NOTCH2: variants seen among roughly 807,000 people sequenced by gnomAD.
NOTCH2 encodes the protein notch receptor 2.
A neutral mutation model predicts 235.8 loss-of-function variants in NOTCH2; 29 were observed. That is an observed-to-expected ratio of 0.12 (90% CI 0.09 to 0.17). NOTCH2 has a LOEUF of 0.17. Ranked by LOEUF, NOTCH2 falls within the 10% of genes least tolerant of loss-of-function variation. NOTCH2 has a pLI of 1.00. For missense variants in NOTCH2, 2,285 were observed against 3,150.2 expected, an observed-to-expected ratio of 0.73 and a Z score of 6.57; for synonymous variants, 1,086 against 1,141.5, an observed-to-expected ratio of 0.95 and a Z score of 0.98.
rs777472550 is a variant in NOTCH2 at position 119,915,957 on chromosome 1, G to A, written c.6765C>T (p.Asn2255=). 6.2e-7 allele frequency: 1 copy of A among 1,614,104 alleles called. No homozygotes were observed. Among genetic ancestry groups the A allele is most frequent in the South Asian group, 1.1e-5 (1 of 91,078 alleles). ...HPVPVPADWM[N]RMEVNETQYN... is the part of the protein sequence containing the mutation. ...ACTGGGTCTCATTCACCTCCATGCG[G>A]TTCATCCAATCTGCTGGGACTGGGA... The change falls in exon 34 of 34, where the codon AAC becomes AAT. Residue 2255 remains asparagine (N), a synonymous_variant. Coordinates refer to ENST00000256646, the MANE Select transcript of NOTCH2 (RefSeq NM_024408.4).
chr1:120,007,625 G>A (rs2101249836), intron 2 of NOTCH2, among the ~76,000 whole-genome samples: 1 of 151,804 alleles, frequency 6.6e-6, no homozygotes, highest in East Asian at 1.9e-4. Context: ...GGGAGGCGGA[G>A]GTTGCAGTGA....
intron 5 of NOTCH2, among the ~76,000 whole-genome samples, chr1:119,971,097 G>A (rs1306484664): frequency 6.6e-6 from 1 of 152,188 alleles, no homozygotes; most frequent in African/African-American, 2.4e-5. Context: ...TAACCTAACT[G>A]ACTGCCTGTT....
intron 21 of NOTCH2, 59 bp from the exon 22 acceptor site, chr1:119,935,663 G>A: frequency 9.6e-6 from 15 of 1,558,278 alleles, no homozygotes; most frequent in Non-Finnish European, 1.2e-5. Flanking sequence ...AACAGACCAT[G>A]AGAGCTAGTG....
intron 31 of NOTCH2, 87 bp from the exon 32 acceptor site, chr1:119,918,640 G>T: frequency 7.4e-7 from 1 of 1,359,946 alleles, no homozygotes; most frequent in Non-Finnish European, 1.0e-6. Flanking sequence ...CATCAGAGCT[G>T]AGGCTACAGT....
At chr1:119,962,907 C>G (rs1029450509) in intron 11 of NOTCH2, among the ~76,000 whole-genome samples, 4 of 152,314 alleles carry the variant, frequency 2.6e-5, no homozygotes, top group Non-Finnish European at 4.4e-5. Flanking sequence ...CACATCCCCC[C>G]AGAAAGGAGC....
At position 120,037,706 on chromosome 1, in the gene NOTCH2, A is replaced by G. The variant is rs1654367447; in HGVS notation, c.74-7719T>C. ...AAAACAAAAAAAAGCAATAAGAGATAAATCGATTTTGTTTTCCTAATAGTG... is the reference window on the plus strand; with the variant it reads ...AAAACAAAAAAAAGCAATAAGAGATGAATCGATTTTGTTTTCCTAATAGTG... On this transcript the variant is annotated intron_variant, in intron 1 of 33. Coordinates refer to ENST00000256646, the MANE Select transcript of NOTCH2 (RefSeq NM_024408.4). 2.6e-5 allele frequency among the ~76,000 whole-genome samples: 4 copies of G among 151,838 alleles called. No homozygotes were observed. The South Asian group carries it at 6.2e-4, about 24-fold the overall frequency.
intron 2 of NOTCH2, among the ~76,000 whole-genome samples, chr1:120,014,470 A>G (rs1653345610): frequency 1.3e-5 from 2 of 150,544 alleles, no homozygotes; most frequent in South Asian, 4.2e-4. Context: ...CTGTTCAAAC[A>G]TACGCATGGG....
At chr1:120,015,432 G>A (rs375522702) in intron 2 of NOTCH2, among the ~76,000 whole-genome samples, 398 of 150,060 alleles carry the variant, frequency 2.7e-3, no homozygotes, top group African/African-American at 8.9e-3. Flanking sequence ...ATTAAGCATC[G>A]GTCAGTAACA....
intron 5 of NOTCH2, among the ~76,000 whole-genome samples, chr1:119,981,418 T>A (rs1305912498): frequency 6.6e-6 from 1 of 152,192 alleles, no homozygotes. Flanking sequence ...GTATCTAGCA[T>A]AATATATTCC....
intron 31 of NOTCH2, 133 bp downstream of exon 31, chr1:119,919,179 G>A: frequency 4.0e-6 from 4 of 1,002,720 alleles, no homozygotes; most frequent in African/African-American, 3.2e-5. Context: ...CATCTACCAA[G>A]CATGACTCTA....
At chr1:120,013,287 AGCAGATGTAGT>A (rs1209783257) in intron 2 of NOTCH2, among the ~76,000 whole-genome samples, 14 of 152,124 alleles carry the variant, frequency 9.2e-5, no homozygotes, top group African/African-American at 3.4e-4. Context: ...TCCTTCCAAC[AGCAGATGTAGT>A]GCCATGTCAT....
intron 13 of NOTCH2, among the ~76,000 whole-genome samples, 193 bp downstream of exon 13, chr1:119,954,847 C>T (rs1650621527): frequency 6.6e-6 from 1 of 152,176 alleles, no homozygotes; most frequent in South Asian, 2.1e-4. Flanking sequence ...CATCTAGGTC[C>T]TCACTTATGG....
rs920452138 is a variant in NOTCH2, at chr1:119,912,789, A to G, written c.*2517T>C. 8.6e-6 allele frequency: 2 copies of G among 233,512 alleles called. No individual in the cohort carries two copies. Among genetic ancestry groups the G allele is most frequent in the African/African-American group, 4.4e-5 (2 of 45,344 alleles). The allele number at this position is 233,512 out of a possible 1,614,324, so 14.5% of individuals were successfully genotyped here. A position where few individuals can be genotyped will look rare whatever the true frequency, so the allele number is the denominator to read the frequency against. On this transcript the variant is annotated 3_prime_UTR_variant, in exon 34 of 34. Coordinates refer to ENST00000256646, the MANE Select transcript of NOTCH2 (RefSeq NM_024408.4). The stretch of plus-strand genomic sequence containing the variant: ...CTTCCCTTTTATTAGATACCACACA[A>G]TTCAAGAGTTCTTAAAATCTAAGAG...
Position 119,953,555 on chromosome 1 carries a change from T to G in NOTCH2, c.2353A>C (p.Lys785Gln), listed in dbSNP as rs781890136. 6 of 1,614,164 alleles carry G rather than the reference T, an allele frequency of 3.7e-6. No homozygotes were observed. The East Asian group carries it at 1.3e-4, about 36-fold the overall frequency. The change falls in exon 14 of 34, where the codon AAG (lysine) becomes CAG (glutamine). Residue 785 changes from lysine to glutamine, a missense_variant. This residue lies in a region of NOTCH2 where 1,173 missense variants were observed against 1,515.3 expected (regional missense o/e 0.77). Transcript: ENST00000256646. ...CTTTTGTTTTCACCTTTAAAGCCCT[T>G]CTTGCAAGTACACCTGTATCCATTC... ...LVNGYRCTCKKGFKGYNCQVN... is the reference protein window; with the variant it reads ...LVNGYRCTCKQGFKGYNCQVN...
intron 12 of NOTCH2, among the ~76,000 whole-genome samples, chr1:119,957,286 A>G (rs782453351): frequency 4.6e-5 from 7 of 152,194 alleles, no homozygotes; most frequent in Non-Finnish European, 8.8e-5. Flanking sequence ...TTAAACGGGT[A>G]TAGTAGAACT....
chr1:119,979,860 C>T (rs782818335), intron 5 of NOTCH2, among the ~76,000 whole-genome samples: 38 of 151,772 alleles, frequency 2.5e-4, no homozygotes, highest in Admixed American at 8.5e-4. Flanking sequence ...TCCTCATCTT[C>T]GAGAGAAAGA....
chr1:119,970,990 A>G (rs1380416173), intron 5 of NOTCH2, among the ~76,000 whole-genome samples: 1 of 152,262 alleles, frequency 6.6e-6, no homozygotes, highest in Non-Finnish European at 1.5e-5. Flanking sequence ...TGCCAAGGCT[A>G]TCTCTAGACC....
chr1:119,995,631 G>C (rs1241640445), intron 4 of NOTCH2: 1 of 152,246 alleles, frequency 6.6e-6, no homozygotes, highest in Admixed American at 6.5e-5. Context: ...ATTATGTTAA[G>C]AAAACACTTA....
rs1649201611 is a variant in NOTCH2 at position 119,919,609 on chromosome 1, G to C, written c.5484C>G (p.Gly1828=). ...GAGAAGCCAACATCAATGGGGTGCA[G>C]CCATCTGTAGGAATGGAAAATTCCA... ...VLDVNVRGPD[G]CTPLMLASLR... Residue 1828 remains glycine (G), a synonymous_variant, in exon 31 of 34, where the codon GGC becomes GGG. Transcript: ENST00000256646. 1 of 1,613,716 alleles carries C rather than the reference G, an allele frequency of 6.2e-7. No homozygotes were observed.
Sources: allele counts gnomAD v4.1 joint callset (sites outside exome capture counted in the v4.1 genomes callset), GRCh38; gene constraint gnomAD v4.1.1; regional missense constraint gnomAD v4.1.1; transcripts MANE v1.5; gene names NCBI Gene and HGNC (gene_info 2026-07-23, HGNC 2026-07-21).